Variants in EDIL3 observed in about 807,000 individuals in gnomAD.
EDIL3 encodes the protein EGF like and discoidin domains 3.
A neutral mutation model predicts 67.4 loss-of-function variants in EDIL3; 37 were observed. The observed-to-expected ratio is 0.55, with a 90% CI of 0.42 to 0.72. The LOEUF is 0.72. Ranked by LOEUF, EDIL3 falls within the 30% of genes least tolerant of loss-of-function variation. The pLI is 0.00. For synonymous variants in EDIL3, 195 were observed against 196.3 expected, an observed-to-expected ratio of 0.99 and a Z score of 0.05; for missense variants, 527 against 586.3, an observed-to-expected ratio of 0.90 and a Z score of 1.04.
chr5:84,377,039 A>G (rs945006692), intron 1 of EDIL3, among the ~76,000 whole-genome samples: 1 of 152,220 alleles, frequency 6.6e-6, no homozygotes, highest in Non-Finnish European at 1.5e-5. Flanking sequence ...TAAAGAGTGC[A>G]GCAGAGGCCG....
At chr5:84,134,576 G>C (rs1253047646) in intron 5 of EDIL3, among the ~76,000 whole-genome samples, 2 of 152,066 alleles carry the variant, frequency 1.3e-5, no homozygotes, top group Non-Finnish European at 2.9e-5. Context: ...AATTCTCTAA[G>C]TTCTCCATGT....
intron 1 of EDIL3, among the ~76,000 whole-genome samples, chr5:84,324,094 C>G (rs1746700604): frequency 6.6e-6 from 1 of 151,818 alleles, no homozygotes. Context: ...TTCTACCCAA[C>G]AGCAACAGCA....
At chr5:84,374,210 G>GAAAAA (rs199975282) in intron 1 of EDIL3, among the ~76,000 whole-genome samples, 1 of 128,800 alleles carries the variant, frequency 7.8e-6, no homozygotes, top group African/African-American at 2.8e-5. Flanking sequence ...CCAAGAACTG[G>GAAAAA]AAAAAAAAAA....
rs147015529 is a variant in EDIL3, at chr5:84,361,042, T to C, written c.67+23266A>G. Among the ~76,000 whole-genome samples, 79 of 152,144 alleles carry C rather than the reference T, an allele frequency of 5.2e-4. No individual in the cohort carries two copies. The East Asian group carries it at 0.015, about 28-fold the overall frequency. ...GCTAGCAATGAGTAGCTCAGAAACATATATCTTGCCTGTTCCCTAAGTCAC... is the reference window on the plus strand; with the variant it reads ...GCTAGCAATGAGTAGCTCAGAAACACATATCTTGCCTGTTCCCTAAGTCAC... On this transcript the variant is annotated intron_variant, in intron 1 of 10. Coordinates refer to ENST00000296591, the MANE Select transcript of EDIL3 (RefSeq NM_005711.5).
intron 9 of EDIL3, among the ~76,000 whole-genome samples, chr5:83,988,756 T>C (rs1745097455): frequency 6.6e-6 from 1 of 152,168 alleles, no homozygotes; most frequent in Admixed American, 6.6e-5. Context: ...TAATTTTCCT[T>C]TATATCTAGT....
At chr5:84,203,991 GA>G (rs1743905249) in intron 3 of EDIL3, among the ~76,000 whole-genome samples, 1 of 152,064 alleles carries the variant, frequency 6.6e-6, no homozygotes, top group Non-Finnish European at 1.5e-5. Context: ...AACAGCTTTT[GA>G]TTTACCTGTT....
At chr5:84,077,010 G>C (rs566488489) in intron 6 of EDIL3, among the ~76,000 whole-genome samples, 3 of 152,200 alleles carry the variant, frequency 2.0e-5, no homozygotes, top group Non-Finnish European at 4.4e-5. Context: ...ACTTAAAAAG[G>C]ATTGACATTT....
chr5:84,111,647 T>A (rs1171315932), intron 5 of EDIL3, among the ~76,000 whole-genome samples: 1 of 151,944 alleles, frequency 6.6e-6, no homozygotes, highest in Non-Finnish European at 1.5e-5. Context: ...GAAAATACCA[T>A]GAAGTGGTAT....
At chr5:84,072,510 A>G (rs1231984698) in intron 6 of EDIL3, among the ~76,000 whole-genome samples, 1 of 152,186 alleles carries the variant, frequency 6.6e-6, no homozygotes, top group Non-Finnish European at 1.5e-5. Context: ...ACTATAAATG[A>G]CATAGTTTTC....
At chr5:84,311,473 G>C (rs1746388368) in intron 1 of EDIL3, among the ~76,000 whole-genome samples, 1 of 151,914 alleles carries the variant, frequency 6.6e-6, no homozygotes, top group Admixed American at 6.6e-5. Context: ...GAGGGGGCTG[G>C]GATGGAGAAG....
intron 1 of EDIL3, among the ~76,000 whole-genome samples, chr5:84,282,359 A>G (rs1210471315): frequency 2.0e-5 from 3 of 152,098 alleles, no homozygotes; most frequent in Non-Finnish European, 4.4e-5. Context: ...TAAATTTTAC[A>G]TATGTTATCA....
intron 10 of EDIL3, among the ~76,000 whole-genome samples, chr5:83,954,762 C>T (rs892424626): frequency 1.9e-4 from 29 of 151,754 alleles, no homozygotes; most frequent in African/African-American, 7.0e-4. Flanking sequence ...TAGTTTCTAT[C>T]ATACTCAGAT....
intron 2 of EDIL3, among the ~76,000 whole-genome samples, chr5:84,239,396 A>T (rs1744749391): frequency 6.6e-6 from 1 of 152,036 alleles, no homozygotes; most frequent in Non-Finnish European, 1.5e-5. Context: ...GCAATCCAAC[A>T]TTGTAAAGAA....
intron 6 of EDIL3, among the ~76,000 whole-genome samples, chr5:84,077,823 C>T (rs746976253): frequency 6.6e-6 from 1 of 151,118 alleles, no homozygotes; most frequent in Non-Finnish European, 1.5e-5. Context: ...TTCTCTTCCA[C>T]TTCTTCTTTT....
At chr5:84,176,226 T>TAA (rs1422125782) in intron 4 of EDIL3, among the ~76,000 whole-genome samples, 1 of 133,068 alleles carries the variant, frequency 7.5e-6, no homozygotes, top group South Asian at 2.4e-4. Flanking sequence ...TATATATATA[T>TAA]AATATATTGT....
At chr5:84,002,892 C>T (rs1745355496) in intron 9 of EDIL3, among the ~76,000 whole-genome samples, 1 of 152,132 alleles carries the variant, frequency 6.6e-6, no homozygotes, top group African/African-American at 2.4e-5. Flanking sequence ...CCCTTCAACC[C>T]CTGCTCTTCT....
intron 1 of EDIL3, among the ~76,000 whole-genome samples, chr5:84,273,770 G>T (rs554350601): frequency 6.6e-6 from 1 of 152,274 alleles, no homozygotes; most frequent in South Asian, 2.1e-4. Context: ...ACCATGGTTT[G>T]TCTACTTCTC....
rs1744353130 is a variant in EDIL3 at position 84,222,017 on chromosome 5, T to C, written c.226+7838A>G. Among the ~76,000 whole-genome samples the C allele has an allele frequency of 2.6e-5, 4 of 151,948 alleles. No homozygotes were observed. In the South Asian group the frequency reaches 6.2e-4, roughly 24 times the overall value. On this transcript the variant is annotated intron_variant, in intron 3 of 10. Coordinates refer to ENST00000296591, the MANE Select transcript of EDIL3 (RefSeq NM_005711.5). ...ATTTATTTTCAAAATGCGTGAGTTA[T>C]AGAATAAATTGAGCATAGTCAGCCA...
At chr5:84,270,717 G>A (rs1745454767) in intron 1 of EDIL3, among the ~76,000 whole-genome samples, 1 of 152,124 alleles carries the variant, frequency 6.6e-6, no homozygotes, top group African/African-American at 2.4e-5. Context: ...CATAGGCCAT[G>A]AATGCTACTA....
Sources: allele counts gnomAD v4.1 joint callset (sites outside exome capture counted in the v4.1 genomes callset), GRCh38; gene constraint gnomAD v4.1.1; transcripts MANE v1.5; gene names NCBI Gene and HGNC (gene_info 2026-07-23, HGNC 2026-07-21).